Variants in LTK observed in about 807,000 individuals in gnomAD.
LTK encodes the protein leukocyte receptor tyrosine kinase.
In LTK, 117 loss-of-function variants were observed where a neutral mutation model predicts 101.5. The ratio of observed to expected loss-of-function variants is 1.15; its 90% CI spans 0.99 to 1.34. LTK has a LOEUF of 1.34. Ranked by LOEUF, LTK falls within the 40% of genes most tolerant of loss-of-function variation. LTK has a pLI of 0.00. For missense variants in LTK, 1,252 were observed against 1,164.7 expected (o/e 1.07, Z -1.09); for synonymous variants, 563 against 494.2 (o/e 1.14, Z -1.85).
chr15:41,503,865 A>G lies in LTK; in HGVS notation c.*131T>C. The G allele has an allele frequency of 8.9e-7, 1 of 1,126,744 alleles. No individual in the cohort carries two copies. Among genetic ancestry groups the G allele is most frequent in the Non-Finnish European group, 1.2e-6 (1 of 812,330 alleles). The allele number at this position is 1,126,744 out of a possible 1,614,324, so 69.8% of individuals were successfully genotyped here. A position where few individuals can be genotyped will look rare whatever the true frequency, so the allele number is the denominator to read the frequency against. On this transcript the variant is annotated 3_prime_UTR_variant, in exon 20 of 20. Transcript: ENST00000263800. ...GTGCAGCGCTGCCAGGCCAGCCCCG[A>G]GACAGGCCCAGACACACAGCACAGA...
rs2051328343 is a variant in LTK at position 41,507,559 on chromosome 15, T to C, written c.1345+3A>G. Reference sequence around the variant, plus strand: ...TCAACTGTGCCTGCTAGACGCTTCGTACCCAGAATCAGGACCCCACACACC... The same window carrying C: ...TCAACTGTGCCTGCTAGACGCTTCGCACCCAGAATCAGGACCCCACACACC... On this transcript the variant is annotated splice_donor_region_variant and intron_variant, in intron 10 of 19. Coordinates refer to ENST00000263800, the MANE Select transcript of LTK (RefSeq NM_002344.6). The C allele has an allele frequency of 6.2e-7, 1 of 1,613,524 alleles. No individual in the cohort carries two copies. Among genetic ancestry groups the C allele is most frequent in the African/African-American group, 1.3e-5 (1 of 74,872 alleles).
rs574786492 is a variant in LTK, at chr15:41,503,714, G to A, written c.*282C>T. Reference sequence around the variant, plus strand: ...CCCAGATGAAGGATGCTCATAATGGGAGAGCAATCCAGTGCTCCCCATGGA... The same window carrying A: ...CCCAGATGAAGGATGCTCATAATGGAAGAGCAATCCAGTGCTCCCCATGGA... On this transcript the variant is annotated 3_prime_UTR_variant, in exon 20 of 20. Transcript: ENST00000263800. 7.1e-5 allele frequency: 46 copies of A among 650,758 alleles called. No homozygotes were observed. The highest frequency in any genetic ancestry group is 6.5e-4 in the African/African-American group (37 of 56,852). The allele number at this position is 650,758 out of a possible 1,614,324, so 40.3% of individuals were successfully genotyped here.
chr15:41,512,610 C>G lies in LTK; in HGVS notation c.359+97G>C. 3 of 1,396,860 alleles carry G rather than the reference C, an allele frequency of 2.1e-6. No homozygotes were observed. The South Asian group carries it at 4.5e-5, about 21-fold the overall frequency. 86.5% of individuals were successfully genotyped at this position (1,396,860 alleles called of 1,614,324 possible). On this transcript the variant is annotated intron_variant, in intron 3 of 19. Coordinates refer to ENST00000263800, the MANE Select transcript of LTK (RefSeq NM_002344.6). The stretch of plus-strand genomic sequence containing the variant: ...AGGTGGACCTCCCCGCGGAATAGTC[C>G]AAGACGCAAGTCGGTGCGCACGTGG...
chr15:41,505,760 G>A lies in LTK; in HGVS notation c.1650C>T (p.Cys550=). 6.2e-7 allele frequency: 1 copy of A among 1,613,934 alleles called. No individual in the cohort carries two copies. The highest frequency in any genetic ancestry group is 8.5e-7 in the Non-Finnish European group (1 of 1,179,948). ...GGAAATCCAGCTCATCCTGAGGCGAGCAGAGTTCTGGCAGGGTCTGGGGAG... is the reference window on the plus strand; with the variant it reads ...GGAAATCCAGCTCATCCTGAGGCGAACAGAGTTCTGGCAGGGTCTGGGGAG... The part of the protein sequence containing the change: ...QVAIKTLPEL[C]SPQDELDFLM... Residue 550 remains cysteine, a synonymous_variant, in exon 13 of 20, where the codon TGC becomes TGT. Coordinates refer to ENST00000263800, the MANE Select transcript of LTK (RefSeq NM_002344.6).
At position 41,505,903 on chromosome 15, in the gene LTK, C is replaced by G; in HGVS notation, c.1632+12G>C. ...CTCTCCTACCCCCAGCCAGAAGTCC[C>G]ACTCCTCTCACCTTGATAGCTACCT... On this transcript the variant is annotated intron_variant, in intron 12 of 19. Coordinates refer to ENST00000263800, the MANE Select transcript of LTK (RefSeq NM_002344.6). The G allele has an allele frequency of 6.2e-7, 1 of 1,611,636 alleles. No homozygotes were observed. The highest frequency in any genetic ancestry group is 8.5e-7 in the Non-Finnish European group (1 of 1,178,114).
intron 7 of LTK, among the ~76,000 whole-genome samples, chr15:41,510,192 A>G: frequency 6.6e-6 from 1 of 151,916 alleles, no homozygotes; most frequent in African/African-American, 2.4e-5. Flanking sequence ...TTTTTAGTAC[A>G]GATGGGGGTT....
chr15:41,506,049 G>A lies in LTK; in HGVS notation c.1542-44C>T, dbSNP rs772840661. 3.6e-6 allele frequency: 5 copies of A among 1,377,338 alleles called. No homozygotes were observed. The South Asian group carries it at 5.8e-5, about 16-fold the overall frequency. The allele number at this position is 1,377,338 out of a possible 1,614,324, so 85.3% of individuals were successfully genotyped here. On this transcript the variant is annotated intron_variant, in intron 11 of 19. Coordinates refer to ENST00000263800, the MANE Select transcript of LTK (RefSeq NM_002344.6). ...GAAGGGAGTGGGCAGGCGGCCTGGAGAAGAGTCCTAGAGAGTCTAGTACCC... is the reference window on the plus strand; with the variant it reads ...GAAGGGAGTGGGCAGGCGGCCTGGAAAAGAGTCCTAGAGAGTCTAGTACCC...
intron 7 of LTK, among the ~76,000 whole-genome samples, chr15:41,509,398 CAT>C (rs1662508494): frequency 6.6e-6 from 1 of 152,108 alleles, no homozygotes; most frequent in African/African-American, 2.4e-5. Context: ...GAATGTAGAT[CAT>C]GTGTGTATGT....
At chr15:41,507,925 A>C in intron 9 of LTK, 144 bp downstream of exon 9, 1 of 848,496 alleles carries the variant, frequency 1.2e-6, no homozygotes. Flanking sequence ...GGCACTGTGC[A>C]CCGATGAATC....
At chr15:41,512,296 T>G in intron 3 of LTK, 31 bp from the exon 4 acceptor site, 3 of 1,599,388 alleles carry the variant, frequency 1.9e-6, no homozygotes, top group Non-Finnish European at 2.6e-6. Context: ...GTCCCCGGCC[T>G]TCGGTGCTCA....
In LTK at chr15:41,505,447, G is replaced by C; in HGVS notation, c.1781C>G (p.Ser594Cys). 6.2e-7 allele frequency: 1 copy of C among 1,614,138 alleles called. No homozygotes were observed. Among genetic ancestry groups the C allele is most frequent in the South Asian group, 1.1e-5 (1 of 91,088 alleles). Residue 594 changes from serine (S) to cysteine (C), a missense_variant, in exon 14 of 20, where the codon TCT (serine) becomes TGT (cysteine). Transcript: ENST00000263800. ...TPRLILLELMSGGDMKSFLRH... is the reference protein window; with the variant it reads ...TPRLILLELMCGGDMKSFLRH... ...CAGGAAACTCTTCATGTCCCCTCCA[G>C]ACATCAGTTCCAGCAGAATGAGGCG...
rs2051218244 is a variant in LTK at position 41,505,063 on chromosome 15, C to T, written c.1927G>A (p.Asp643Asn). The T allele has an allele frequency of 6.2e-7, 1 of 1,612,030 alleles. No individual in the cohort carries two copies. The highest frequency in any genetic ancestry group is 1.7e-4 in the Middle Eastern group (1 of 6,040). Residue 643 changes from aspartate (D) to asparagine (N), a missense_variant and splice_region_variant, in exon 16 of 20, where the codon GAT becomes AAT. By Grantham distance (23) the Asp-to-Asn change is conservative (BLOSUM62 1). Transcript: ENST00000263800. The part of the protein sequence containing the change: ...YLEENHFIHR[D>N]IAARNCLLSC... ...AGCAGGCAGTTCCGGGCGGCAATATCCCTACAGAGTAGGCAAAAAAAATCA... is the reference window on the plus strand; with the variant it reads ...AGCAGGCAGTTCCGGGCGGCAATATTCCTACAGAGTAGGCAAAAAAAATCA...
chr15:41,508,363 G>A (rs2051353371), intron 8 of LTK, 142 bp from the exon 9 acceptor site: 1 of 603,054 alleles, frequency 1.7e-6, no homozygotes, highest in South Asian at 3.2e-5. Flanking sequence ...GAGGTCAGAA[G>A]TTCAAGACCA....
Position 41,512,143 on chromosome 15 carries a change from C to A in LTK, c.482G>T (p.Gly161Val), listed in dbSNP as rs753287594. ...GLGESLYILV[G>V]QQGEDACPGG... ...GGGACAGGCGTCCTCTCCCTGCTGC[C>A]CCACCAGGATGTACAGCGACTCCCC... The change falls in exon 4 of 20, where the codon GGG (glycine) becomes GTG (valine). Residue 161 changes from glycine to valine, a missense_variant. Transcript: ENST00000263800. 226 of 1,611,598 alleles carry A rather than the reference C, an allele frequency of 1.4e-4. No individual in the cohort carries two copies. The highest frequency in any genetic ancestry group is 1.8e-4 in the Non-Finnish European group (210 of 1,179,162).
chr15:41,510,167 C>T (rs575767633), intron 7 of LTK, among the ~76,000 whole-genome samples: 70 of 151,764 alleles, frequency 4.6e-4, no homozygotes, highest in Non-Finnish European at 9.3e-4. Flanking sequence ...CCACCACGCC[C>T]GGCTAATTTT....
intron 1 of LTK, 126 bp downstream of exon 1, chr15:41,513,541 A>C: frequency 1.1e-6 from 1 of 871,310 alleles, no homozygotes; most frequent in Non-Finnish European, 1.9e-6. Flanking sequence ...CGGACCGGAG[A>C]AATTTGGCTG....
At position 41,512,982 on chromosome 15, in the gene LTK, G is replaced by T. The variant is rs2051540260; in HGVS notation, c.182C>A (p.Ser61Tyr). Residue 61 changes from serine (S) to tyrosine (Y), a missense_variant, in exon 2 of 20, where the codon TCT (serine) becomes TAT (tyrosine). By Grantham distance (144) the Ser-to-Tyr change is moderately radical. Coordinates refer to ENST00000263800, the MANE Select transcript of LTK (RefSeq NM_002344.6). ...AGGAGGCGTCTAAAGCTCACCCGGAGAATTCAGCGGGGAGGCTGGCTCCAA... is the reference window on the plus strand; with the variant it reads ...AGGAGGCGTCTAAAGCTCACCCGGATAATTCAGCGGGGAGGCTGGCTCCAA... ...SILEPASPLN[S>Y]PGTEGSWLFS... 1.2e-6 allele frequency: 2 copies of T among 1,613,598 alleles called. No homozygotes were observed. Among genetic ancestry groups the T allele is most frequent in the Non-Finnish European group, 1.7e-6 (2 of 1,179,952 alleles).
intron 11 of LTK, among the ~76,000 whole-genome samples, chr15:41,506,364 G>A (rs945865084): frequency 1.3e-5 from 2 of 152,200 alleles, no homozygotes; most frequent in Non-Finnish European, 2.9e-5. Context: ...GAGTGCAATA[G>A]CGCGATCTCG....
rs778557349 is a variant in LTK at position 41,508,060 on chromosome 15, A to C, written c.1249+9T>G. On this transcript the variant is annotated intron_variant, in intron 9 of 19. Transcript: ENST00000263800. The stretch of plus-strand genomic sequence containing the variant: ...AGGAGTCCAGACCTTGGGCAAAGGT[A>C]GGACATACCCATGCAGGTGACGTTA... The C allele has an allele frequency of 1.3e-6, 2 of 1,588,754 alleles. No homozygotes were observed. The highest frequency in any genetic ancestry group is 2.7e-5 in the African/African-American group (2 of 74,518).
Sources: gnomAD v4.1 joint callset for allele counts (sites outside exome capture counted in the v4.1 genomes callset) on GRCh38, gnomAD v4.1.1 for gene constraint, MANE v1.5 for transcripts, NCBI Gene and HGNC (gene_info 2026-07-23, HGNC 2026-07-21) for gene names.